The following PPP1R12A variants were observed in gnomAD, a reference collection of about 807,000 sequenced individuals.
PPP1R12A encodes the protein protein phosphatase 1 regulatory subunit 12A.
In PPP1R12A, 19 loss-of-function variants were observed where a neutral mutation model predicts 139.6. The ratio of observed to expected loss-of-function variants is 0.14; its 90% CI spans 0.09 to 0.20. The LOEUF is 0.20. PPP1R12A is among the 10% of genes least tolerant of loss of function. The pLI, the probability that PPP1R12A is intolerant of heterozygous loss-of-function variation, is 1.00. For missense variants in PPP1R12A, 925 were observed against 1,211.5 expected, an observed-to-expected ratio of 0.76 and a Z score of 3.51; for synonymous variants, 427 against 420.6, an observed-to-expected ratio of 1.02 and a Z score of -0.19.
intron 1 of PPP1R12A, among the ~76,000 whole-genome samples, chr12:79,903,662 T>C (rs776583617): frequency 1.3e-5 from 2 of 152,184 alleles, no homozygotes; most frequent in African/African-American, 2.4e-5. Flanking sequence ...GTATTCTATA[T>C]AGCACAATCT....
rs759493273 is a variant in PPP1R12A at position 79,775,919 on chromosome 12, T to G, written c.*10A>C. 15 of 1,132,430 alleles carry G rather than the reference T, an allele frequency of 1.3e-5. No homozygotes were observed. Among genetic ancestry groups the G allele is most frequent in the Non-Finnish European group, 1.8e-5 (15 of 843,354 alleles). 70.1% of individuals were successfully genotyped at this position (1,132,430 alleles called of 1,614,324 possible). Reference sequence around the variant, plus strand: ...ATGTGCAATTCCATTACTTGCTGCTTTTTTTTTTTTTATTTGGAAAGTTTG... The same window carrying G: ...ATGTGCAATTCCATTACTTGCTGCTGTTTTTTTTTTTATTTGGAAAGTTTG... On this transcript the variant is annotated 3_prime_UTR_variant, in exon 25 of 25. Transcript: ENST00000450142.
At chr12:79,854,384 G>A (rs1433747202) in intron 2 of PPP1R12A, among the ~76,000 whole-genome samples, 1 of 152,044 alleles carries the variant, frequency 6.6e-6, no homozygotes, top group Non-Finnish European at 1.5e-5. Flanking sequence ...GCTTCCTACT[G>A]TACTTTTTCC....
intron 19 of PPP1R12A, among the ~76,000 whole-genome samples, chr12:79,791,597 G>C (rs1871867412): frequency 6.6e-6 from 1 of 152,034 alleles, no homozygotes; most frequent in African/African-American, 2.4e-5. Flanking sequence ...CAGAGTGTTG[G>C]GCTTATAGGT....
chr12:79,775,918 T>G lies in PPP1R12A; in HGVS notation c.*11A>C. The G allele has an allele frequency of 4.3e-6, 1 of 232,006 alleles. No homozygotes were observed. Among genetic ancestry groups the G allele is most frequent in the Non-Finnish European group, 7.3e-6 (1 of 137,556 alleles). 14.4% of individuals were successfully genotyped at this position (232,006 alleles called of 1,614,324 possible). A position where few individuals can be genotyped will look rare whatever the true frequency, so the allele number is the denominator to read the frequency against. Reference sequence around the variant, plus strand: ...TATGTGCAATTCCATTACTTGCTGCTTTTTTTTTTTTTATTTGGAAAGTTT... The same window carrying G: ...TATGTGCAATTCCATTACTTGCTGCGTTTTTTTTTTTTATTTGGAAAGTTT... On this transcript the variant is annotated 3_prime_UTR_variant, in exon 25 of 25. Transcript: ENST00000450142.
chr12:79,905,145 AC>A (rs1885985754), intron 1 of PPP1R12A, among the ~76,000 whole-genome samples: 1 of 152,096 alleles, frequency 6.6e-6, no homozygotes, highest in Non-Finnish European at 1.5e-5. Context: ...TGCTTAGTAT[AC>A]CTAACAGCCT....
At chr12:79,920,814 G>C (rs1411101926) in intron 1 of PPP1R12A, among the ~76,000 whole-genome samples, 1 of 152,220 alleles carries the variant, frequency 6.6e-6, no homozygotes, top group East Asian at 1.9e-4. Flanking sequence ...GCTCTCACCA[G>C]AGTTGACCCT....
At chr12:79,871,961 C>T (rs1268791278) in intron 2 of PPP1R12A, among the ~76,000 whole-genome samples, 2 of 152,090 alleles carry the variant, frequency 1.3e-5, no homozygotes, top group African/African-American at 2.4e-5. Context: ...TAATAAAATT[C>T]GGGTAATTCA....
chr12:79,911,157 T>C (rs543248743), intron 1 of PPP1R12A, among the ~76,000 whole-genome samples: 2 of 152,316 alleles, frequency 1.3e-5, no homozygotes, highest in South Asian at 2.1e-4. Flanking sequence ...ATTTATGAAT[T>C]AAGTTTACAC....
intron 9 of PPP1R12A, among the ~76,000 whole-genome samples, chr12:79,810,244 T>G (rs549859825): frequency 1.6e-4 from 24 of 152,172 alleles, no homozygotes; most frequent in Non-Finnish European, 3.4e-4. Flanking sequence ...CACTACACAC[T>G]TTATATCACA....
In PPP1R12A at chr12:79,863,644, CAAAAAAAAAAAAAAAAAA is replaced by C. The variant is rs61530316; in HGVS notation, c.368+9146_368+9163del. On this transcript the variant is annotated intron_variant, in intron 2 of 24. Coordinates refer to ENST00000450142, the MANE Select transcript of PPP1R12A (RefSeq NM_002480.3). ...GAAGATCTACCAAGCAAATTGAAAGCAAAAAAAAAAAAAAAAAAAAAAAAAAAGAGCAGGGGTTGCAAT... is the reference window on the plus strand; with the variant it reads ...GAAGATCTACCAAGCAAATTGAAAGCAAAAAAAAAGAGCAGGGGTTGCAAT... Among the ~76,000 whole-genome samples the C allele has an allele frequency of 1.2e-3, 64 of 55,336 alleles. 1 individual carries two copies. The highest frequency in any genetic ancestry group is 4.3e-3 in the African/African-American group (64 of 14,950). The allele number at this position is 55,336 out of a possible 152,430, so 36.3% of individuals were successfully genotyped here. A position where few individuals can be genotyped will look rare whatever the true frequency, so the allele number is the denominator to read the frequency against.
intron 1 of PPP1R12A, among the ~76,000 whole-genome samples, chr12:79,907,714 C>T (rs138817657): frequency 6.6e-6 from 1 of 152,284 alleles, no homozygotes; most frequent in Non-Finnish European, 1.5e-5. Context: ...GCCTGAGCAA[C>T]ACAGCAAGAC....
intron 14 of PPP1R12A, among the ~76,000 whole-genome samples, chr12:79,799,516 T>C (rs1265580521): frequency 2.0e-5 from 3 of 152,226 alleles, no homozygotes; most frequent in Non-Finnish European, 2.9e-5. Context: ...GTTCATACTT[T>C]TGAGTGCTCT....
Position 79,805,781 on chromosome 12 carries a change from A to T in PPP1R12A, c.1824-13T>A. On this transcript the variant is annotated splice_polypyrimidine_tract_variant and intron_variant, in intron 13 of 24. Coordinates refer to ENST00000450142, the MANE Select transcript of PPP1R12A (RefSeq NM_002480.3). ...ACGATTTGAGGTACTATAGCATCAT[A>T]AGCAGCAACACAAAAAAGAGAAAAG... is the stretch of plus-strand genomic sequence containing the variant. 1 of 1,600,476 alleles carries T rather than the reference A, an allele frequency of 6.2e-7. No homozygotes were observed. The highest frequency in any genetic ancestry group is 1.7e-4 in the Middle Eastern group (1 of 6,012).
intron 23 of PPP1R12A, chr12:79,779,467 A>C: frequency 1.3e-6 from 1 of 779,858 alleles, no homozygotes; most frequent in Non-Finnish European, 1.9e-6. Flanking sequence ...ATTTACTGTA[A>C]ATGTTAATGT....
chr12:79,806,269 G>C lies in PPP1R12A; in HGVS notation c.1720C>G (p.Pro574Ala). The change falls in exon 13 of 25, where the codon CCA becomes GCA. Residue 574 changes from proline to alanine, a missense_variant. Pro to Ala is a conservative substitution (Grantham distance 27). Coordinates refer to ENST00000450142, the MANE Select transcript of PPP1R12A (RefSeq NM_002480.3). Reference protein sequence around the residue: ...SSSVPSTTSTPTVTSAAGLQK... With the variant: ...SSSVPSTTSTATVTSAAGLQK... ...AGCCCAGCTGCAGAGGTAACTGTTG[G>C]TGTTGATGTGGTGCTTGGAACACTA... 6.2e-7 allele frequency: 1 copy of C among 1,613,938 alleles called. No homozygotes were observed. The highest frequency in any genetic ancestry group is 8.5e-7 in the Non-Finnish European group (1 of 1,179,818).
intron 2 of PPP1R12A, among the ~76,000 whole-genome samples, chr12:79,857,804 C>T (rs1270182584): frequency 6.6e-6 from 1 of 151,868 alleles, no homozygotes; most frequent in African/African-American, 2.4e-5. Flanking sequence ...TCATAGTGCC[C>T]AATGCTACTA....
chr12:79,815,379 A>G (rs1875220406), intron 9 of PPP1R12A, among the ~76,000 whole-genome samples: 1 of 152,020 alleles, frequency 6.6e-6, no homozygotes, highest in African/African-American at 2.4e-5. Context: ...ATAATTAGTC[A>G]GGTGTGGTGG....
intron 1 of PPP1R12A, among the ~76,000 whole-genome samples, chr12:79,910,315 A>G (rs562039704): frequency 1.8e-4 from 27 of 152,008 alleles, no homozygotes; most frequent in African/African-American, 6.0e-4. Context: ...CCTTGTCTCC[A>G]CTAAAAATAC....
intron 8 of PPP1R12A, 140 bp from the exon 9 acceptor site, chr12:79,817,658 G>T: frequency 1.3e-6 from 1 of 741,122 alleles, no homozygotes; most frequent in Non-Finnish European, 2.1e-6. Context: ...CTTTTCGCAA[G>T]TCAGTTTTTC....
Sources: allele counts gnomAD v4.1 joint callset (sites outside exome capture counted in the v4.1 genomes callset), GRCh38; gene constraint gnomAD v4.1.1; transcripts MANE v1.5; gene names NCBI Gene and HGNC (gene_info 2026-07-23, HGNC 2026-07-21).